Variants in TMEM266 observed in about 807,000 individuals in gnomAD.
TMEM266 encodes the protein transmembrane protein 266.
A neutral mutation model predicts 50.5 loss-of-function variants in TMEM266; 33 were observed. That is an observed-to-expected ratio of 0.65 (90% CI 0.50 to 0.87). The LOEUF (loss-of-function observed/expected upper bound fraction) is 0.87. Among genes scored for constraint, TMEM266 ranks in the 40% least tolerant of loss-of-function variants. TMEM266 has a pLI of 0.00. For missense variants in TMEM266, 655 were observed against 695.1 expected (o/e 0.94, Z 0.65); for synonymous variants, 310 against 292.3 (o/e 1.06, Z -0.62).
intron 5 of TMEM266, among the ~76,000 whole-genome samples, chr15:76,167,043 C>T (rs1302136406): frequency 6.6e-6 from 1 of 152,208 alleles, no homozygotes; most frequent in African/African-American, 2.4e-5. Context: ...GTATTCCCAT[C>T]TTCCCAGCCT....
intron 1 of TMEM266, among the ~76,000 whole-genome samples, chr15:76,096,826 C>T (rs2036927708): frequency 6.6e-6 from 1 of 151,654 alleles, no homozygotes; most frequent in African/African-American, 2.4e-5. Flanking sequence ...ATAGTTAGCT[C>T]TTCTTGCTGC....
At chr15:76,186,316 C>T (rs1342619488) in intron 8 of TMEM266, among the ~76,000 whole-genome samples, 2 of 152,190 alleles carry the variant, frequency 1.3e-5, no homozygotes, top group African/African-American at 4.8e-5. Context: ...TGTGGAGGCA[C>T]ATGTGGCCAT....
At chr15:76,074,709 G>C (rs2036581971) in intron 1 of TMEM266, among the ~76,000 whole-genome samples, 1 of 152,018 alleles carries the variant, frequency 6.6e-6, no homozygotes, top group Admixed American at 6.6e-5. Flanking sequence ...TGGCATGACT[G>C]AGATGGTTTG....
At chr15:76,088,299 G>A (rs2036801588) in intron 1 of TMEM266, among the ~76,000 whole-genome samples, 1 of 152,108 alleles carries the variant, frequency 6.6e-6, no homozygotes, top group Non-Finnish European at 1.5e-5. Context: ...TTATTAGCAG[G>A]GTACTCTGGG....
At chr15:76,083,233 C>CTTTTTTTT (rs3068737) in intron 1 of TMEM266, among the ~76,000 whole-genome samples, 1 of 136,234 alleles carries the variant, frequency 7.3e-6, no homozygotes, top group African/African-American at 2.8e-5. Flanking sequence ...TGCTGATACT[C>CTTTTTTTT]TTTTTTTTTT....
At chr15:76,145,958 A>G (rs920499140) in intron 3 of TMEM266, among the ~76,000 whole-genome samples, 2 of 152,262 alleles carry the variant, frequency 1.3e-5, no homozygotes, top group Non-Finnish European at 2.9e-5. Flanking sequence ...AGTGAAGTAC[A>G]GAAAAATGAG....
chr15:76,180,001 C>T (rs977238185), intron 8 of TMEM266, among the ~76,000 whole-genome samples: 2 of 152,172 alleles, frequency 1.3e-5, no homozygotes, highest in Non-Finnish European at 2.9e-5. Flanking sequence ...CTCCCTTGCT[C>T]TCTTGCTGGG....
chr15:76,099,204 C>A (rs972488538), intron 1 of TMEM266, among the ~76,000 whole-genome samples: 1 of 152,204 alleles, frequency 6.6e-6, no homozygotes, highest in Non-Finnish European at 1.5e-5. Flanking sequence ...AACCCAGGGC[C>A]CTGCTGGGGA....
At chr15:76,094,189 C>T (rs1267402217) in intron 1 of TMEM266, among the ~76,000 whole-genome samples, 1 of 152,062 alleles carries the variant, frequency 6.6e-6, no homozygotes, top group African/African-American at 2.4e-5. Context: ...AAGCCTTTGC[C>T]ATTGCCTATG....
At chr15:76,092,516 C>G (rs2036862284) in intron 1 of TMEM266, among the ~76,000 whole-genome samples, 2 of 151,956 alleles carry the variant, frequency 1.3e-5, no homozygotes, top group South Asian at 2.1e-4. Flanking sequence ...ATGGCGAAAC[C>G]CCGTATCTAC....
chr15:76,073,207 A>G (rs1199454190), intron 1 of TMEM266, among the ~76,000 whole-genome samples: 2 of 149,350 alleles, frequency 1.3e-5, no homozygotes, highest in African/African-American at 4.9e-5. Flanking sequence ...CTGGGATTAC[A>G]GGCATGGGCC....
chr15:76,194,173 A>G (rs1301263645), intron 9 of TMEM266, among the ~76,000 whole-genome samples: 1 of 152,258 alleles, frequency 6.6e-6, no homozygotes, highest in African/African-American at 2.4e-5. Flanking sequence ...AGCCTTGGGC[A>G]ACAGGCTTTT....
At chr15:76,072,545 C>T (rs2036553206) in intron 1 of TMEM266, among the ~76,000 whole-genome samples, 1 of 151,808 alleles carries the variant, frequency 6.6e-6, no homozygotes, top group Non-Finnish European at 1.5e-5. Context: ...CTGGACAAGT[C>T]GCTTCACTTT....
rs1462801246 is a variant in TMEM266, at chr15:76,160,259, ATC to A, written c.456+92_456+93del. On this transcript the variant is annotated intron_variant, in intron 5 of 10. Coordinates refer to ENST00000388942, the MANE Select transcript of TMEM266 (RefSeq NM_152335.3). The surrounding 1 kb of genome is among the most constrained non-coding windows in gnomAD (Gnocchi z 5.7). ...TCTACTTCTCGAAATGGTTTCTAGC[ATC>A]AGGTCCCCTGCTAGCCCTTGAGGCT... 1 of 1,293,076 alleles carries A rather than the reference ATC, an allele frequency of 7.7e-7. No homozygotes were observed. The highest frequency in any genetic ancestry group is 1.5e-5 in the African/African-American group (1 of 68,270). The allele number at this position is 1,293,076 out of a possible 1,614,324, so 80.1% of individuals were successfully genotyped here. A position where few individuals can be genotyped will look rare whatever the true frequency, so the allele number is the denominator to read the frequency against.
Position 76,160,784 on chromosome 15 carries a change from G to A in TMEM266, c.456+616G>A, listed in dbSNP as rs1021734830. 3.3e-5 allele frequency among the ~76,000 whole-genome samples: 5 copies of A among 152,198 alleles called. No individual in the cohort carries two copies. The highest frequency in any genetic ancestry group is 5.9e-5 in the Non-Finnish European group (4 of 68,030). On this transcript the variant is annotated intron_variant, in intron 5 of 10. Coordinates refer to ENST00000388942, the MANE Select transcript of TMEM266 (RefSeq NM_152335.3). This position sits in a 1 kb window ranked among gnomAD's most constrained non-coding sequence, Gnocchi z 5.7. ...GATCGCCGTCAGCGTTGCTGGAGTCGGCTAGTAGAGACCAAGTGCGAATCT... is the reference window on the plus strand; with the variant it reads ...GATCGCCGTCAGCGTTGCTGGAGTCAGCTAGTAGAGACCAAGTGCGAATCT...
At chr15:76,187,929 AC>A (rs2038512653) in intron 8 of TMEM266, among the ~76,000 whole-genome samples, 1 of 151,742 alleles carries the variant, frequency 6.6e-6, no homozygotes, top group Non-Finnish European at 1.5e-5. Context: ...AACAGATAAG[AC>A]CCCTGTTGGT....
chr15:76,176,996 C>T (rs1007732295), intron 8 of TMEM266, among the ~76,000 whole-genome samples: 4 of 152,178 alleles, frequency 2.6e-5, no homozygotes, highest in East Asian at 1.9e-4. Flanking sequence ...GTTTTGGTTG[C>T]GCTGTGCCCC....
chr15:76,166,373 C>T (rs766474802), intron 5 of TMEM266, among the ~76,000 whole-genome samples: 40 of 152,178 alleles, frequency 2.6e-4, no homozygotes, highest in Non-Finnish European at 5.3e-4. Context: ...ACAGCGGCCT[C>T]TTGCTATTCT....
intron 3 of TMEM266, among the ~76,000 whole-genome samples, chr15:76,147,233 C>T (rs552175193): frequency 2.8e-4 from 42 of 152,272 alleles, no homozygotes; most frequent in African/African-American, 9.6e-4. Flanking sequence ...CATGCTTTCT[C>T]CACAAAGTCA....
Sources: gnomAD v4.1 joint callset for allele counts (sites outside exome capture counted in the v4.1 genomes callset) on GRCh38, gnomAD v4.1.1 for gene constraint, Gnocchi (gnomAD v3.1) non-coding constraint, MANE v1.5 for transcripts, NCBI Gene and HGNC (gene_info 2026-07-23, HGNC 2026-07-21) for gene names.